The following SCEL variants were observed in gnomAD, a reference collection of about 807,000 sequenced individuals.
SCEL encodes the protein sciellin.
SCEL carries 113 observed loss-of-function variants against 117.6 expected under a neutral mutation model. The observed-to-expected ratio is 0.96, with a 90% CI of 0.83 to 1.12. The LOEUF is 1.12. Ranked by LOEUF, SCEL falls within the 50% of genes most tolerant of loss-of-function variation. The probability of loss-of-function intolerance (pLI) is 0.00; values close to 1 mark genes in which losing one functional copy is unlikely to be tolerated. For synonymous variants in SCEL, 270 were observed against 256.2 expected, an observed-to-expected ratio of 1.05 and a Z score of -0.51; for missense variants, 785 against 810.8, an observed-to-expected ratio of 0.97 and a Z score of 0.39.
chr13:77,632,893 C>T (rs1184153320), intron 28 of SCEL, among the ~76,000 whole-genome samples: 1 of 152,208 alleles, frequency 6.6e-6, no homozygotes, highest in Non-Finnish European at 1.5e-5. Context: ...TTTCTCAAAG[C>T]AACCTCTGGA....
intron 28 of SCEL, among the ~76,000 whole-genome samples, chr13:77,629,571 T>G (rs2089934580): frequency 6.6e-6 from 1 of 152,198 alleles, no homozygotes; most frequent in Non-Finnish European, 1.5e-5. Context: ...TGTTTTCTAA[T>G]TCGTTTCATT....
At chr13:77,601,806 A>C (rs999990742) in intron 15 of SCEL, among the ~76,000 whole-genome samples, 1 of 152,220 alleles carries the variant, frequency 6.6e-6, no homozygotes, top group African/African-American at 2.4e-5. Context: ...GCCTTGGTTA[A>C]AACTTTTAAG....
chr13:77,632,563 T>C (rs1450746702), intron 28 of SCEL, among the ~76,000 whole-genome samples: 2 of 152,226 alleles, frequency 1.3e-5, no homozygotes, highest in African/African-American at 2.4e-5. Flanking sequence ...ATGCCAGAGA[T>C]AATATGTGAA....
intron 19 of SCEL, among the ~76,000 whole-genome samples, chr13:77,606,767 T>C (rs1213854766): frequency 2.0e-5 from 3 of 152,196 alleles, no homozygotes; most frequent in Non-Finnish European, 4.4e-5. Context: ...GTATCTTTGA[T>C]GTTGTATAGA....
chr13:77,551,817 T>C (rs1170205816), intron 1 of SCEL, among the ~76,000 whole-genome samples: 1 of 151,402 alleles, frequency 6.6e-6, no homozygotes, highest in East Asian at 1.9e-4. Context: ...TAGCTTTAGA[T>C]ATATCTCCTA....
intron 15 of SCEL, among the ~76,000 whole-genome samples, chr13:77,601,115 T>TC (rs1491505638): frequency 4.5e-5 from 2 of 44,042 alleles, no homozygotes; most frequent in Non-Finnish European, 7.7e-5. Flanking sequence ...AAACAGTCTC[T>TC]TTTTTTTTTT....
At chr13:77,567,183 T>G (rs1410698554) in intron 5 of SCEL, among the ~76,000 whole-genome samples, 2 of 152,150 alleles carry the variant, frequency 1.3e-5, no homozygotes, top group African/African-American at 4.8e-5. Context: ...GCTGGGTGCC[T>G]TGGCTCACAC....
At chr13:77,593,300 G>GTGTGTGTGCGCGTC (rs1555510798) in intron 11 of SCEL, among the ~76,000 whole-genome samples, 33 of 145,224 alleles carry the variant, frequency 2.3e-4, no homozygotes, top group African/African-American at 7.9e-4. Flanking sequence ...GTGTGTGTCT[G>GTGTGTGTGCGCGTC]TGTGTGTGTG....
At chr13:77,568,143 T>C (rs1356659473) in intron 6 of SCEL, 152 bp from the exon 7 acceptor site, 1 of 605,908 alleles carries the variant, frequency 1.7e-6, no homozygotes, top group African/African-American at 2.0e-5. Context: ...AATCATGAAA[T>C]CATCTTATGA....
chr13:77,585,079 C>G (rs541902815), intron 9 of SCEL, among the ~76,000 whole-genome samples: 3 of 152,222 alleles, frequency 2.0e-5, no homozygotes, highest in Admixed American at 2.0e-4. Context: ...GTTGCAAATC[C>G]GTCTTTGGTA....
At chr13:77,593,912 G>A (rs2087065681) in intron 12 of SCEL, among the ~76,000 whole-genome samples, 1 of 152,078 alleles carries the variant, frequency 6.6e-6, no homozygotes. Flanking sequence ...GGATGTCCAA[G>A]GTCATATCCA....
At chr13:77,635,126 A>C (rs2090212434) in intron 29 of SCEL, among the ~76,000 whole-genome samples, 1 of 152,210 alleles carries the variant, frequency 6.6e-6, no homozygotes, top group Admixed American at 6.5e-5. Context: ...TTCTGTGTGG[A>C]TGGCAGTCGT....
intron 11 of SCEL, among the ~76,000 whole-genome samples, chr13:77,593,209 C>T (rs2086976954): frequency 6.6e-6 from 1 of 150,826 alleles, no homozygotes; most frequent in African/African-American, 2.4e-5. Flanking sequence ...GTAGTTATTT[C>T]AGTGAGCACT....
intron 21 of SCEL, 149 bp downstream of exon 21, chr13:77,609,266 A>C: frequency 1.5e-6 from 1 of 651,026 alleles, no homozygotes; most frequent in South Asian, 2.8e-5. Flanking sequence ...AAATGTTAAA[A>C]ATTTTGGTCA....
chr13:77,596,816 C>G (rs2087267310), intron 12 of SCEL, among the ~76,000 whole-genome samples: 1 of 151,892 alleles, frequency 6.6e-6, no homozygotes, highest in Non-Finnish European at 1.5e-5. Flanking sequence ...GGTGAAACCC[C>G]CACCCCACCT....
At chr13:77,562,059 A>G (rs765478032) in intron 4 of SCEL, among the ~76,000 whole-genome samples, 1 of 152,192 alleles carries the variant, frequency 6.6e-6, no homozygotes, top group Non-Finnish European at 1.5e-5. Context: ...TAAACATGTC[A>G]AATAAGGATG....
intron 9 of SCEL, among the ~76,000 whole-genome samples, chr13:77,585,190 A>G (rs1448058982): frequency 1.3e-5 from 2 of 152,236 alleles, no homozygotes; most frequent in East Asian, 1.9e-4. Context: ...CCTTTTAGGA[A>G]CTTTCAGTTC....
At position 77,541,881 on chromosome 13, in the gene SCEL, A is replaced by G. The variant is rs148990288; in HGVS notation, c.-20+6057A>G. Among the ~76,000 whole-genome samples the G allele has an allele frequency of 1.3e-4, 20 of 152,372 alleles. No homozygotes were observed. In the East Asian group the frequency reaches 3.7e-3, roughly 28 times the overall value. The stretch of plus-strand genomic sequence containing the variant: ...TATGAAATACAGTAAAGTATTTAAG[A>G]TAACTAACAGGGTTTTGGCTCATAG... On this transcript the variant is annotated intron_variant, in intron 1 of 32. Transcript: ENST00000349847.
At chr13:77,544,599 A>G (rs1242348757) in intron 1 of SCEL, among the ~76,000 whole-genome samples, 1 of 152,190 alleles carries the variant, frequency 6.6e-6, no homozygotes, top group Non-Finnish European at 1.5e-5. Flanking sequence ...TGGCATTGGG[A>G]CAAGAGGAGC....
Sources: gnomAD v4.1 joint callset for allele counts (sites outside exome capture counted in the v4.1 genomes callset) on GRCh38, gnomAD v4.1.1 for gene constraint, MANE v1.5 for transcripts, NCBI Gene and HGNC (gene_info 2026-07-23, HGNC 2026-07-21) for gene names.